The following ADGRB1 variants were observed in gnomAD, a reference collection of about 807,000 sequenced individuals.
The protein encoded by ADGRB1 is adhesion G protein-coupled receptor B1, also known as brain-specific angiogenesis inhibitor 1.
In ADGRB1, 36 loss-of-function variants were observed where a neutral mutation model predicts 175.7. That is an observed-to-expected ratio of 0.20 (90% CI 0.16 to 0.27). The LOEUF is 0.27. Among genes scored for constraint, ADGRB1 ranks in the 10% least tolerant of loss-of-function variants. The probability of loss-of-function intolerance (pLI) is 1.00; values close to 1 mark genes in which losing one functional copy is unlikely to be tolerated. For missense variants in ADGRB1, 1,731 were observed against 2,255.3 expected (o/e 0.77, Z 4.71); for synonymous variants, 1,054 against 979.4 (o/e 1.08, Z -1.42).
At position 142,492,779 on chromosome 8, in the gene ADGRB1, C is replaced by T. The variant is rs1291568915; in HGVS notation, c.2675+1964C>T. 6.6e-6 allele frequency among the ~76,000 whole-genome samples: 1 copy of T among 152,152 alleles called. No homozygotes were observed. The highest frequency in any genetic ancestry group is 1.5e-5 in the Non-Finnish European group (1 of 68,010). On this transcript the variant is annotated intron_variant, in intron 17 of 30. Transcript: ENST00000517894. This position sits in a 1 kb window ranked among gnomAD's most constrained non-coding sequence, Gnocchi z 4.4. ...AAAATGCAAGAAGAAAGCCCCCCTG[C>T]TTGCATGACCCAGGCCCACCCCTGG...
At chr8:142,460,765 T>C (rs1386636827) in intron 1 of ADGRB1, among the ~76,000 whole-genome samples, 1 of 152,182 alleles carries the variant, frequency 6.6e-6, no homozygotes, top group Non-Finnish European at 1.5e-5. Context: ...AAGTGGGCCG[T>C]GTGCACCTTC....
chr8:142,470,486 A>G lies in ADGRB1; in HGVS notation c.785-4988A>G, dbSNP rs540783392. On this transcript the variant is annotated intron_variant, in intron 2 of 30. Transcript: ENST00000517894. ...ACAGGGGAGCCACTCCTTTTGCACA[A>G]GGGCCAATTTAGTGTATGTGTCCCT... Among the ~76,000 whole-genome samples the G allele has an allele frequency of 5.9e-5, 9 of 151,494 alleles. No homozygotes were observed. In the East Asian group the frequency reaches 1.6e-3, roughly 26 times the overall value.
At chr8:142,513,030 T>C (rs58371504) in intron 18 of ADGRB1, among the ~76,000 whole-genome samples, 18,095 of 150,540 alleles carry the variant, frequency 0.12, 2,075 homozygotes, top group African/African-American at 0.3. Flanking sequence ...AGGCGGTTCG[T>C]GGCTGCTGTC....
intron 24 of ADGRB1, among the ~76,000 whole-genome samples, chr8:142,529,843 A>C (rs1587424140): frequency 6.7e-6 from 1 of 148,192 alleles, no homozygotes; most frequent in Non-Finnish European, 1.5e-5. Context: ...TGTATGTGTG[A>C]GTGTGCATCT....
rs1421422272 is a variant in ADGRB1, at chr8:142,543,010, A to G, written c.4413+363A>G. ...GCTGACCCAGCCTCAGTCAGCCTGTAGGATGTTGTTTTTGGGGGAGCCCGT... is the reference window on the plus strand; with the variant it reads ...GCTGACCCAGCCTCAGTCAGCCTGTGGGATGTTGTTTTTGGGGGAGCCCGT... On this transcript the variant is annotated intron_variant, in intron 28 of 30. Transcript: ENST00000517894. This position sits in a 1 kb window ranked among gnomAD's most constrained non-coding sequence, Gnocchi z 4.4. Among the ~76,000 whole-genome samples, 1 of 152,138 alleles carries G rather than the reference A, an allele frequency of 6.6e-6. No homozygotes were observed. The highest frequency in any genetic ancestry group is 1.5e-5 in the Non-Finnish European group (1 of 67,994).
At chr8:142,540,421 C>T (rs1057224736) in intron 27 of ADGRB1, among the ~76,000 whole-genome samples, 1 of 152,234 alleles carries the variant, frequency 6.6e-6, no homozygotes, top group African/African-American at 2.4e-5. Context: ...TCTCTGAGCC[C>T]CTGATTCCCT....
intron 2 of ADGRB1, among the ~76,000 whole-genome samples, chr8:142,468,057 C>A (rs1840375889): frequency 6.6e-6 from 1 of 152,212 alleles, no homozygotes; most frequent in African/African-American, 2.4e-5. Context: ...GATGTGTGTT[C>A]ACGCATGCAT....
intron 22 of ADGRB1, among the ~76,000 whole-genome samples, chr8:142,523,687 G>T (rs939396821): frequency 2.0e-5 from 3 of 151,300 alleles, no homozygotes. Context: ...GCTGCTCAGG[G>T]TAGAGGGAAC....
At chr8:142,502,659 G>T (rs1339123804) in intron 17 of ADGRB1, among the ~76,000 whole-genome samples, 2 of 63,630 alleles carry the variant, frequency 3.1e-5, no homozygotes, top group South Asian at 5.2e-4. Flanking sequence ...GGTGGTGATG[G>T]TGATGGTGGT....
chr8:142,540,421 CCT>C (rs1282656343), intron 27 of ADGRB1, among the ~76,000 whole-genome samples: 8 of 152,234 alleles, frequency 5.3e-5, no homozygotes, highest in Admixed American at 5.2e-4. Flanking sequence ...TCTCTGAGCC[CCT>C]GATTCCCTCT....
At chr8:142,530,354 C>A (rs546160850) in intron 24 of ADGRB1, among the ~76,000 whole-genome samples, 1 of 152,236 alleles carries the variant, frequency 6.6e-6, no homozygotes, top group Admixed American at 6.5e-5. Context: ...AGCAGCTGTG[C>A]ATAGGGCAGG....
At chr8:142,450,584 C>T (rs890964050) in intron 1 of ADGRB1, among the ~76,000 whole-genome samples, 5 of 152,042 alleles carry the variant, frequency 3.3e-5, no homozygotes, top group Non-Finnish European at 2.9e-5. Context: ...CGAGCGTGTC[C>T]CCCTCCTGCT....
intron 13 of ADGRB1, among the ~76,000 whole-genome samples, chr8:142,487,093 A>T (rs1587320684): frequency 6.6e-6 from 1 of 152,332 alleles, no homozygotes; most frequent in East Asian, 1.9e-4. Flanking sequence ...ACTGATTGCT[A>T]CTACTTCAAT....
chr8:142,466,767 G>A (rs887461559), intron 2 of ADGRB1, among the ~76,000 whole-genome samples: 2 of 152,140 alleles, frequency 1.3e-5, no homozygotes, highest in African/African-American at 4.8e-5. Flanking sequence ...GGTGGTGGAC[G>A]GTTTGGGAGG....
At chr8:142,451,167 G>A (rs1469355032) in intron 1 of ADGRB1, among the ~76,000 whole-genome samples, 1 of 152,098 alleles carries the variant, frequency 6.6e-6, no homozygotes, top group African/African-American at 2.4e-5. Context: ...GGGCGGCGGA[G>A]CTGAGAATCA....
chr8:142,530,619 G>A (rs1844567068), intron 24 of ADGRB1, among the ~76,000 whole-genome samples: 1 of 152,194 alleles, frequency 6.6e-6, no homozygotes, highest in Admixed American at 6.5e-5. Context: ...AGCAAGCCCG[G>A]AGCTGGGGCA....
At position 142,510,839 on chromosome 8, in the gene ADGRB1, G is replaced by A. The variant is rs2132038547; in HGVS notation, c.2676-93G>A. The A allele has an allele frequency of 1.5e-6, 1 of 657,636 alleles. No individual in the cohort carries two copies. Among genetic ancestry groups the A allele is most frequent in the East Asian group, 1.4e-4 (1 of 7,214 alleles). 40.7% of individuals were successfully genotyped at this position (657,636 alleles called of 1,614,324 possible). A position where few individuals can be genotyped will look rare whatever the true frequency, so the allele number is the denominator to read the frequency against. ...GGCGGCGGGCCGGGGCCGGGGCCGG[G>A]GCGCGGAGCCGCCGCTCGGGGGCCG... is the stretch of plus-strand genomic sequence containing the variant. On this transcript the variant is annotated intron_variant, in intron 17 of 30. Transcript: ENST00000517894. The surrounding 1 kb of genome is among the most constrained non-coding windows in gnomAD (Gnocchi z 6.3).
intron 18 of ADGRB1, among the ~76,000 whole-genome samples, chr8:142,516,916 G>A (rs1181039902): frequency 3.3e-5 from 5 of 152,298 alleles, no homozygotes; most frequent in East Asian, 3.9e-4. Flanking sequence ...AGCTTTGCAC[G>A]CCCTTCAGCC....
In ADGRB1 at chr8:142,541,969, C is replaced by T. The variant is rs538333530; in HGVS notation, c.3735C>T (p.Arg1245=). Reference sequence around the variant, plus strand: ...TGAACAAGGACATCGCGGCCTGCCGCACTGCCACCATCACGGGCACACTGA... The same window carrying T: ...TGAACAAGGACATCGCGGCCTGCCGTACTGCCACCATCACGGGCACACTGA... ...SVLNKDIAAC[R]TATITGTLKR... is the part of the protein sequence containing the mutation. The change falls in exon 28 of 31, where the codon CGC becomes CGT. Residue 1245 remains arginine (R), a synonymous_variant. Coordinates refer to ENST00000517894, the MANE Select transcript of ADGRB1 (RefSeq NM_001702.3). The T allele has an allele frequency of 6.4e-7, 1 of 1,569,630 alleles. No individual in the cohort carries two copies. Among genetic ancestry groups the T allele is most frequent in the East Asian group, 2.4e-5 (1 of 41,930 alleles).
Sources: allele counts gnomAD v4.1 joint callset (sites outside exome capture counted in the v4.1 genomes callset), GRCh38; gene constraint gnomAD v4.1.1; non-coding constraint Gnocchi (gnomAD v3.1); transcripts MANE v1.5; gene names NCBI Gene and HGNC (gene_info 2026-07-23, HGNC 2026-07-21).